The following PAH variants were observed in gnomAD, a reference collection of about 807,000 sequenced individuals.
PAH encodes the protein phenylalanine-4-hydroxylase.
PAH carries 64 observed loss-of-function variants against 62.0 expected under a neutral mutation model. The ratio of observed to expected loss-of-function variants is 1.03; its 90% CI spans 0.84 to 1.27. The LOEUF is 1.27. Ranked by LOEUF, PAH falls within the 50% of genes most tolerant of loss-of-function variation. The probability of loss-of-function intolerance (pLI) is 0.00; values close to 1 mark genes in which losing one functional copy is unlikely to be tolerated. For missense variants in PAH, 579 were observed against 542.8 expected, an observed-to-expected ratio of 1.07 and a Z score of -0.66; for synonymous variants, 195 against 196.2, an observed-to-expected ratio of 0.99 and a Z score of 0.05.
At position 102,957,404 on chromosome 12, in the gene PAH, G is replaced by A. The variant is rs1181351407; in HGVS notation, c.-96+791C>T. The stretch of plus-strand genomic sequence containing the variant: ...AGCGCGCCGCCTGTTTATTCAGCCG[G>A]GAGTCCGGCACGCGCCAGGCGCACG... On this transcript the variant is annotated intron_variant, in intron 1 of 4. Transcript: ENST00000551337. The surrounding 1 kb of genome is among the most constrained non-coding windows in gnomAD (Gnocchi z 4.1). Among the ~76,000 whole-genome samples the A allele has an allele frequency of 2.0e-5, 3 of 152,124 alleles. No individual in the cohort carries two copies. Among genetic ancestry groups the A allele is most frequent in the Non-Finnish European group, 4.4e-5 (3 of 68,014 alleles).
intron 6 of PAH, 185 bp from the exon 7 acceptor site, chr12:102,853,135 C>T (rs1403738705): frequency 1.1e-5 from 7 of 647,070 alleles, no homozygotes; most frequent in African/African-American, 1.8e-5. Context: ...CAAGTAAATT[C>T]CCATTTCTGA....
chr12:102,884,010 T>A (rs945368465), intron 3 of PAH, among the ~76,000 whole-genome samples: 1 of 152,246 alleles, frequency 6.6e-6, no homozygotes, highest in African/African-American at 2.4e-5. Flanking sequence ...CTTCTAAGTA[T>A]CTGATAGTGG....
intron 2 of PAH, among the ~76,000 whole-genome samples, chr12:102,910,888 C>G (rs910495692): frequency 6.6e-6 from 1 of 152,116 alleles, no homozygotes; most frequent in African/African-American, 2.4e-5. Flanking sequence ...GCCCTTTGCC[C>G]AGAGTCATGA....
In PAH at chr12:102,846,935, G is replaced by C. The variant is rs62642913; in HGVS notation, c.929C>G (p.Ser310Cys). ...AATGTATTCATCAGGTGCACCCAGA[G>C]AGGCAAGGCCAATTTCCTGTAATTG... ...AQFSQEIGLA[S>C]LGAPDEYIEK... Residue 310 changes from serine to cysteine, a missense_variant, in exon 9 of 13, where the codon TCT becomes TGT. Transcript: ENST00000553106. 1.2e-6 allele frequency: 2 copies of C among 1,613,772 alleles called. No homozygotes were observed. Among genetic ancestry groups the C allele is most frequent in the Non-Finnish European group, 1.7e-6 (2 of 1,179,728 alleles).
chr12:102,922,096 G>A (rs756932933), upstream of PAH, among the ~76,000 whole-genome samples: 29 of 151,388 alleles, frequency 1.9e-4, no homozygotes, highest in South Asian at 4.2e-4. Context: ...TTCTTCTAGA[G>A]ATCTTTAAGC....
chr12:102,871,936 AAAAAAAAAAAAAAATATAT>A (rs1272784253), intron 4 of PAH, among the ~76,000 whole-genome samples: 355 of 90,236 alleles, frequency 3.9e-3, no homozygotes, highest in African/African-American at 0.018. Flanking sequence ...AAAAAAAAAA[AAAAAAAAAAAAAAATATAT>A]ATATATATAT....
At chr12:102,847,027 A>G (rs1439238957) in intron 8 of PAH, 76 bp from the exon 9 acceptor site, 1 of 1,238,124 alleles carries the variant, frequency 8.1e-7, no homozygotes, top group East Asian at 2.3e-5. Context: ...CTTGGCCATA[A>G]AAAGGTGATG....
chr12:102,883,535 A>C (rs919065124), intron 3 of PAH, among the ~76,000 whole-genome samples: 10 of 152,210 alleles, frequency 6.6e-5, no homozygotes, highest in African/African-American at 2.4e-4. Context: ...GAAAACAAAA[A>C]ATTTGAAGAA....
rs189841742 is a variant in PAH at position 102,867,863 on chromosome 12, A to C, written c.442-1200T>G. ...CCTCTCTCTCTCTATGTATATACAT[A>C]TATAGATGTATATATACATGTATAT... On this transcript the variant is annotated intron_variant, in intron 4 of 12. Coordinates refer to ENST00000553106, the MANE Select transcript of PAH (RefSeq NM_000277.3). Among the ~76,000 whole-genome samples, 547 of 134,740 alleles carry C rather than the reference A, an allele frequency of 4.1e-3. 11 individuals carry two copies. The highest frequency in any genetic ancestry group is 0.014 in the African/African-American group (516 of 36,506). 88.4% of individuals were successfully genotyped at this position (134,740 alleles called of 152,430 possible). A position where few individuals can be genotyped will look rare whatever the true frequency, so the allele number is the denominator to read the frequency against.
At chr12:102,855,007 A>G (rs934421494) in intron 6 of PAH, 129 bp downstream of exon 6, 1 of 782,998 alleles carries the variant, frequency 1.3e-6, no homozygotes, top group Admixed American at 1.9e-5. Context: ...TGGAGGAATC[A>G]ACCTGCATGC....
At chr12:102,903,937 A>C (rs754180568) in intron 2 of PAH, among the ~76,000 whole-genome samples, 2 of 152,206 alleles carry the variant, frequency 1.3e-5, no homozygotes, top group African/African-American at 2.4e-5. Flanking sequence ...CTTACAGTAA[A>C]GACTCTCAGG....
chr12:102,941,851 C>A (rs1879303062), intron 1 of PAH, among the ~76,000 whole-genome samples: 1 of 152,102 alleles, frequency 6.6e-6, no homozygotes, highest in African/African-American at 2.4e-5. Context: ...TCAATAGATG[C>A]AGAAAAGGCT....
intron 2 of PAH, among the ~76,000 whole-genome samples, chr12:102,906,771 A>G (rs1263818362): frequency 6.6e-6 from 1 of 152,200 alleles, no homozygotes; most frequent in Non-Finnish European, 1.5e-5. Flanking sequence ...CAGATGAGGA[A>G]CTGAGGCACA....
chr12:102,925,295 A>G lies in PAH; in HGVS notation c.-95-8070T>C, dbSNP rs538521269. On this transcript the variant is annotated intron_variant, in intron 1 of 3. Transcript: ENST00000546844. ...AGCAGGAGCAGCCATATTGCATTATAAGGTAAATTTAGGAATGGAGACATG... is the reference window on the plus strand; with the variant it reads ...AGCAGGAGCAGCCATATTGCATTATGAGGTAAATTTAGGAATGGAGACATG... Among the ~76,000 whole-genome samples the G allele has an allele frequency of 2.0e-5, 3 of 152,260 alleles. 1 individual carries two copies. Among genetic ancestry groups the G allele is most frequent in the South Asian group, 4.1e-4 (2 of 4,822 alleles).
intron 2 of PAH, among the ~76,000 whole-genome samples, chr12:102,897,492 T>TACATATATAA (rs1379613102): frequency 4.5e-4 from 62 of 137,458 alleles, no homozygotes; most frequent in African/African-American, 1.9e-3. Context: ...TATATATATA[T>TACATATATAA]AATTCAAACT....
chr12:102,930,582 G>A (rs529040997), intron 1 of PAH, among the ~76,000 whole-genome samples: 1 of 152,310 alleles, frequency 6.6e-6, no homozygotes, highest in East Asian at 1.9e-4. Context: ...ACTTTTATAA[G>A]AGTTGTTTTG....
In PAH at chr12:102,957,803, G is replaced by C. The variant is rs985170746; in HGVS notation, c.-96+392C>G. The C allele has an allele frequency of 6.3e-6, 1 of 159,936 alleles. No individual in the cohort carries two copies. The highest frequency in any genetic ancestry group is 6.5e-5 in the Admixed American group (1 of 15,470). The allele number at this position is 159,936 out of a possible 1,614,324, so 9.9% of individuals were successfully genotyped here. ...AAATAATAAAAACAGCCTGAGCCACGGCTGGAGAGACCGAGACCCGGCGCA... is the reference window on the plus strand; with the variant it reads ...AAATAATAAAAACAGCCTGAGCCACCGCTGGAGAGACCGAGACCCGGCGCA... On this transcript the variant is annotated intron_variant, in intron 1 of 4. Transcript: ENST00000551337. This position sits in a 1 kb window ranked among gnomAD's most constrained non-coding sequence, Gnocchi z 4.1.
At chr12:102,939,059 A>C in intron 1 of PAH, among the ~76,000 whole-genome samples, 1 of 152,082 alleles carries the variant, frequency 6.6e-6, no homozygotes, top group East Asian at 1.9e-4. Context: ...TGCCTCAGCC[A>C]CCATACAGAG....
At chr12:102,871,963 T>G (rs1266646709) in intron 4 of PAH, among the ~76,000 whole-genome samples, 2 of 114,710 alleles carry the variant, frequency 1.7e-5, no homozygotes, top group Admixed American at 8.4e-5. Flanking sequence ...TATATATATA[T>G]ATATATATAT....
Sources: gnomAD v4.1 joint callset for allele counts (sites outside exome capture counted in the v4.1 genomes callset) on GRCh38, gnomAD v4.1.1 for gene constraint, Gnocchi (gnomAD v3.1) non-coding constraint, MANE v1.5 for transcripts, NCBI Gene and HGNC (gene_info 2026-07-23, HGNC 2026-07-21) for gene names.